EPB41L3: variants seen among roughly 807,000 people sequenced by gnomAD.
EPB41L3 encodes erythrocyte membrane protein band 4.1 like 3, also known as band 4.1-like protein 3.
Under a neutral mutation model 127.1 loss-of-function variants are expected in EPB41L3, and 57 were observed. The ratio of observed to expected loss-of-function variants is 0.45; its 90% CI spans 0.36 to 0.56. The LOEUF is 0.56. Among genes scored for constraint, EPB41L3 ranks in the 20% least tolerant of loss-of-function variants. EPB41L3 has a pLI of 0.00. For missense variants in EPB41L3, 1,273 were observed against 1,372.2 expected (o/e 0.93, Z 1.14); for synonymous variants, 572 against 549.5 (o/e 1.04, Z -0.57).
Position 5,489,133 on chromosome 18 carries a change from G to A in EPB41L3, c.51C>T (p.Ala17=), listed in dbSNP as rs1206325628. 7 of 1,594,608 alleles carry A rather than the reference G, an allele frequency of 4.4e-6. No individual in the cohort carries two copies. Among genetic ancestry groups the A allele is most frequent in the Non-Finnish European group, 6.0e-6 (7 of 1,174,824 alleles). ...GCGCCCCCGCCGCCTCCTGGGGCTC[G>A]GCCTCCTGGTCCGGCTTGGATTCCG... ...SDSESKPDQE[A]EPQEAAGAQG... is the part of the protein sequence containing the mutation. Residue 17 remains alanine, a synonymous_variant, in exon 2 of 23, where the codon GCC becomes GCT. Coordinates refer to ENST00000341928, the MANE Select transcript of EPB41L3 (RefSeq NM_012307.5).
At chr18:5,549,355 A>C (rs1179191726) in intron 3 of EPB41L3, among the ~76,000 whole-genome samples, 1 of 152,166 alleles carries the variant, frequency 6.6e-6, no homozygotes, top group African/African-American at 2.4e-5. Context: ...CATCATCTAG[A>C]ATATCTTTGT....
intron 9 of EPB41L3, among the ~76,000 whole-genome samples, chr18:5,425,327 T>C (rs1054164872): frequency 1.3e-5 from 2 of 152,322 alleles, no homozygotes; most frequent in Admixed American, 6.5e-5. Flanking sequence ...TCAACCGCAA[T>C]TGCCTTTCCC....
intron 3 of EPB41L3, among the ~76,000 whole-genome samples, chr18:5,609,180 C>G (rs2094697265): frequency 6.6e-6 from 1 of 152,158 alleles, no homozygotes; most frequent in African/African-American, 2.4e-5. Context: ...GAAACTGTAA[C>G]TGATAATCAA....
At chr18:5,480,735 G>C (rs1005719420) in intron 2 of EPB41L3, among the ~76,000 whole-genome samples, 3 of 152,128 alleles carry the variant, frequency 2.0e-5, no homozygotes, top group African/African-American at 7.2e-5. Context: ...AGGACTTCAA[G>C]GTCTCTGCCT....
intron 3 of EPB41L3, among the ~76,000 whole-genome samples, chr18:5,460,321 C>A (rs527285613): frequency 6.6e-6 from 1 of 152,120 alleles, no homozygotes; most frequent in Admixed American, 6.5e-5. Flanking sequence ...ACTGCAGGCA[C>A]ATCCCATCTT....
At chr18:5,420,029 CA>C (rs1354115763) in intron 11 of EPB41L3, 152 bp from the exon 12 acceptor site, 2 of 1,454,668 alleles carry the variant, frequency 1.4e-6, no homozygotes, top group Non-Finnish European at 1.8e-6. Flanking sequence ...AAAAAAATAC[CA>C]ACACAAAATA....
At chr18:5,601,597 T>C (rs2094592635) in intron 3 of EPB41L3, among the ~76,000 whole-genome samples, 1 of 152,130 alleles carries the variant, frequency 6.6e-6, no homozygotes, top group Non-Finnish European at 1.5e-5. Context: ...CAGAGTAACC[T>C]TTGAACAAGT....
intron 3 of EPB41L3, among the ~76,000 whole-genome samples, chr18:5,566,723 C>CATTCTATTCT (rs57567803): frequency 0.048 from 5,441 of 112,316 alleles, 354 homozygotes; most frequent in African/African-American, 0.072. Context: ...TTTTCTATTC[C>CATTCTATTCT]ATTCTATTCT....
intron 1 of EPB41L3, among the ~76,000 whole-genome samples, chr18:5,626,057 C>T (rs1179694841): frequency 1.3e-5 from 2 of 152,026 alleles, no homozygotes; most frequent in African/African-American, 2.4e-5. Context: ...TCCCCTGTCT[C>T]GTCGCTGCTT....
At chr18:5,420,119 G>C in intron 11 of EPB41L3, 1 of 715,734 alleles carries the variant, frequency 1.4e-6, no homozygotes, top group East Asian at 2.9e-5. Flanking sequence ...TCCTATATGA[G>C]TGCTTTAAAA....
In EPB41L3 at chr18:5,398,258, G is replaced by A. The variant is rs891405225; in HGVS notation, c.2350-115C>T. 1.2e-5 allele frequency: 14 copies of A among 1,187,996 alleles called. No individual in the cohort carries two copies. In the East Asian group the frequency reaches 3.1e-4, roughly 26 times the overall value. The allele number at this position is 1,187,996 out of a possible 1,614,324, so 73.6% of individuals were successfully genotyped here. The stretch of plus-strand genomic sequence containing the variant: ...AGGCAGAGGAGACAGGGAGGAGGAA[G>A]AACGAAGGAATCTCAGAGTTTGGAA... On this transcript the variant is annotated intron_variant, in intron 16 of 22. Transcript: ENST00000341928.
intron 1 of EPB41L3, among the ~76,000 whole-genome samples, chr18:5,538,625 TAGG>T (rs1012025820): frequency 6.6e-6 from 1 of 152,242 alleles, no homozygotes; most frequent in Non-Finnish European, 1.5e-5. Flanking sequence ...AGTTGAATGC[TAGG>T]AGATCAATAT....
At chr18:5,528,829 C>T (rs1390596058) in intron 1 of EPB41L3, 3 of 152,166 alleles carry the variant, frequency 2.0e-5, no homozygotes, top group African/African-American at 4.8e-5. Context: ...AACTCCTGAC[C>T]TCAAGTGATC....
intron 3 of EPB41L3, among the ~76,000 whole-genome samples, chr18:5,457,460 G>A (rs1311977759): frequency 1.3e-5 from 2 of 151,952 alleles, no homozygotes; most frequent in African/African-American, 4.8e-5. Context: ...GGATGGCACA[G>A]TAGGCAGTGA....
intron 3 of EPB41L3, among the ~76,000 whole-genome samples, chr18:5,552,508 A>C (rs895966550): frequency 6.6e-6 from 1 of 152,236 alleles, no homozygotes; most frequent in African/African-American, 2.4e-5. Context: ...AAAATATTTG[A>C]AAAATTAGAG....
chr18:5,544,428 A>C (rs1268307388), upstream of EPB41L3: 2 of 567,388 alleles, frequency 3.5e-6, no homozygotes, highest in Non-Finnish European at 4.5e-6. Flanking sequence ...TCTTTTTGGA[A>C]AGAAAATAAA....
chr18:5,555,062 C>T (rs140220836), intron 3 of EPB41L3, among the ~76,000 whole-genome samples: 18 of 152,352 alleles, frequency 1.2e-4, no homozygotes, highest in Non-Finnish European at 2.4e-4. Context: ...CACATGCCCA[C>T]TAAAGATGAG....
chr18:5,552,580 G>T (rs2093981066), intron 3 of EPB41L3, among the ~76,000 whole-genome samples: 1 of 152,112 alleles, frequency 6.6e-6, no homozygotes, highest in Non-Finnish European at 1.5e-5. Context: ...TGGATCTAGC[G>T]ATTTTCCCCA....
chr18:5,573,933 C>T (rs1158794809), intron 3 of EPB41L3, among the ~76,000 whole-genome samples: 10 of 144,836 alleles, frequency 6.9e-5, no homozygotes, highest in Non-Finnish European at 1.1e-4. Context: ...TTTTTTGAGA[C>T]GGAATCTGGC....
Sources: allele counts gnomAD v4.1 joint callset (sites outside exome capture counted in the v4.1 genomes callset), GRCh38; gene constraint gnomAD v4.1.1; transcripts MANE v1.5; gene names NCBI Gene and HGNC (gene_info 2026-07-23, HGNC 2026-07-21).